The following NADSYN1 variants were observed in gnomAD, a reference collection of about 807,000 sequenced individuals.
NADSYN1 encodes the protein NAD synthetase 1, also known as glutamine-dependent NAD(+) synthetase.
Under a neutral mutation model 99.3 loss-of-function variants are expected in NADSYN1, and 80 were observed. The ratio of observed to expected loss-of-function variants is 0.81; its 90% CI spans 0.67 to 0.97. The LOEUF (loss-of-function observed/expected upper bound fraction) is 0.97, where lower values mean the gene tolerates loss of function less well. Ranked by LOEUF, NADSYN1 falls within the 50% of genes least tolerant of loss-of-function variation. NADSYN1 has a pLI of 0.00. For missense variants in NADSYN1, 859 were observed against 948.5 expected (o/e 0.91, Z 1.24); for synonymous variants, 385 against 372.1 (o/e 1.03, Z -0.40).
At chr11:71,462,919 C>T (rs1949559600) in intron 3 of NADSYN1, among the ~76,000 whole-genome samples, 1 of 152,198 alleles carries the variant, frequency 6.6e-6, no homozygotes, top group African/African-American at 2.4e-5. Context: ...CTATGGTCCC[C>T]TTATCTGCAG....
At chr11:71,473,202 C>A in intron 6 of NADSYN1, 76 bp from the exon 7 acceptor site, 2 of 1,358,082 alleles carry the variant, frequency 1.5e-6, no homozygotes, top group Non-Finnish European at 2.1e-6. Context: ...TGCAGGATGT[C>A]CGTGGCCCTA....
At chr11:71,492,708 G>A (rs1188307599) in intron 18 of NADSYN1, among the ~76,000 whole-genome samples, 2 of 152,048 alleles carry the variant, frequency 1.3e-5, no homozygotes, top group Non-Finnish European at 2.9e-5. Context: ...ACATCCATAT[G>A]AATTTTGAGA....
intron 9 of NADSYN1, among the ~76,000 whole-genome samples, 167 bp from the exon 10 acceptor site, chr11:71,478,228 C>T (rs1949682739): frequency 6.6e-6 from 1 of 152,156 alleles, no homozygotes; most frequent in Non-Finnish European, 1.5e-5. Flanking sequence ...CGGGGAAGGG[C>T]TATGGGTCCG....
At chr11:71,453,628 T>C (rs547140168) in intron 1 of NADSYN1, among the ~76,000 whole-genome samples, 1 of 152,278 alleles carries the variant, frequency 6.6e-6, no homozygotes, top group African/African-American at 2.4e-5. Context: ...GTCTGGCGGC[T>C]TAGGCGGGAG....
At chr11:71,481,630 C>T in intron 12 of NADSYN1, 1 of 608,430 alleles carries the variant, frequency 1.6e-6, no homozygotes, top group Non-Finnish European at 2.9e-6. Context: ...GAACCCAGCC[C>T]ATCAGCATTC....
Position 71,455,104 on chromosome 11 carries a change from T to A in NADSYN1, c.86-6T>A. On this transcript the variant is annotated splice_polypyrimidine_tract_variant and splice_region_variant and intron_variant, in intron 1 of 20. Coordinates refer to ENST00000319023, the MANE Select transcript of NADSYN1 (RefSeq NM_018161.5). The stretch of plus-strand genomic sequence containing the variant: ...CTCCATTTTCTTTTTCTCTCTGTAC[T>A]TACAGGTATTGAAATTGCCAAAAAC... 6.2e-7 allele frequency: 1 copy of A among 1,611,650 alleles called. No individual in the cohort carries two copies.
chr11:71,493,071 G>A (rs979620490), intron 18 of NADSYN1, among the ~76,000 whole-genome samples: 1 of 152,032 alleles, frequency 6.6e-6, no homozygotes, highest in Admixed American at 6.5e-5. Context: ...TGTATTTGTA[G>A]TAGAGATGGG....
At chr11:71,491,420 C>T (rs1949778295) in intron 17 of NADSYN1, among the ~76,000 whole-genome samples, 1 of 127,402 alleles carries the variant, frequency 7.8e-6, no homozygotes, top group African/African-American at 3.0e-5. Flanking sequence ...CAGGGGACAT[C>T]AGGCAACGTC....
At chr11:71,476,160 C>G (rs1273672841) in intron 9 of NADSYN1, 1 of 455,404 alleles carries the variant, frequency 2.2e-6, no homozygotes, top group African/African-American at 2.0e-5. Context: ...CTCTCGGGCT[C>G]AGACCACACG....
At chr11:71,476,995 G>A (rs1023256904) in intron 9 of NADSYN1, 12 of 1,043,200 alleles carry the variant, frequency 1.2e-5, no homozygotes, top group African/African-American at 1.7e-5. Context: ...GAGTGGCCGC[G>A]CTGTCCTCAG....
chr11:71,497,331 A>T, intron 18 of NADSYN1, 152 bp from the exon 19 acceptor site: 1 of 857,742 alleles, frequency 1.2e-6, no homozygotes, highest in African/African-American at 1.7e-5. Context: ...TTACTGGCTG[A>T]CTAGCAATGG....
chr11:71,485,129 G>A (rs1248916960), intron 15 of NADSYN1: 7 of 171,634 alleles, frequency 4.1e-5, no homozygotes, highest in South Asian at 1.4e-4. Context: ...AAGAGAGGCC[G>A]GGGGCTCCAG....
Position 71,481,353 on chromosome 11 carries a change from C to T in NADSYN1, c.999-3C>T. The T allele has an allele frequency of 6.2e-7, 1 of 1,613,978 alleles. No homozygotes were observed. The highest frequency in any genetic ancestry group is 8.5e-7 in the Non-Finnish European group (1 of 1,179,994). On this transcript the variant is annotated splice_region_variant and splice_polypyrimidine_tract_variant and intron_variant, in intron 11 of 20. Transcript: ENST00000319023. ...CGGGCTCCATGTTCTGATTGCCCTG[C>T]AGCCTTGGACCTGCCTGCTGGCTCT...
At chr11:71,476,844 C>CG (rs1453761740) in intron 9 of NADSYN1, 1 of 986,156 alleles carries the variant, frequency 1.0e-6, no homozygotes, top group African/African-American at 1.7e-5. Context: ...TCGGAGTCCT[C>CG]GGGGGTCTGT....
chr11:71,463,694 T>C (rs956020759), intron 4 of NADSYN1, among the ~76,000 whole-genome samples: 2 of 151,474 alleles, frequency 1.3e-5, no homozygotes, highest in Non-Finnish European at 2.9e-5. Flanking sequence ...GAGACAGGCA[T>C]CATCAGGTAT....
intron 15 of NADSYN1, 67 bp from the exon 16 acceptor site, chr11:71,485,475 G>A (rs768202261): frequency 3.3e-5 from 40 of 1,215,696 alleles, no homozygotes; most frequent in Admixed American, 1.3e-4. Context: ...TCAAGAGTTT[G>A]TGGGTGTGCG....
chr11:71,484,253 C>G, intron 14 of NADSYN1, 59 bp from the exon 15 acceptor site: 2 of 1,584,664 alleles, frequency 1.3e-6, no homozygotes, highest in Non-Finnish European at 1.7e-6. Flanking sequence ...ACCGCTCATG[C>G]GCACACACAT....
chr11:71,464,430 C>G (rs1949573666), intron 5 of NADSYN1: 1 of 308,002 alleles, frequency 3.2e-6, no homozygotes. Context: ...AGAGGCTTCC[C>G]ATCGGTTACT....
chr11:71,468,470 T>G (rs564483734), intron 5 of NADSYN1, among the ~76,000 whole-genome samples: 123 of 152,296 alleles, frequency 8.1e-4, no homozygotes, highest in African/African-American at 2.7e-3. Flanking sequence ...CACAGAAAAT[T>G]TCTAGGGTAG....
Sources: gnomAD v4.1 joint callset for allele counts (sites outside exome capture counted in the v4.1 genomes callset) on GRCh38, gnomAD v4.1.1 for gene constraint, MANE v1.5 for transcripts, NCBI Gene and HGNC (gene_info 2026-07-23, HGNC 2026-07-21) for gene names.